Variants in ROBO1 observed in about 807,000 individuals in gnomAD.
The protein encoded by ROBO1 is roundabout homolog 1.
A neutral mutation model predicts 195.9 loss-of-function variants in ROBO1; 149 were observed. That is an observed-to-expected ratio of 0.76 (90% CI 0.67 to 0.87). The LOEUF is 0.87. ROBO1 is among the 40% of genes least tolerant of loss of function. The pLI, the probability that ROBO1 is intolerant of heterozygous loss-of-function variation, is 0.00. For synonymous variants in ROBO1, 816 were observed against 733.2 expected (o/e 1.11, Z -1.82); for missense variants, 1,933 against 2,068.3 (o/e 0.93, Z 1.27).
chr3:78,794,839 C>A (rs1330466055), intron 4 of ROBO1, among the ~76,000 whole-genome samples: 2 of 151,742 alleles, frequency 1.3e-5, no homozygotes, highest in African/African-American at 4.8e-5. Flanking sequence ...GCCTCAGCCT[C>A]CCAAAATGCT....
At chr3:79,269,764 C>CAGAT (rs1165766378) in intron 2 of ROBO1, among the ~76,000 whole-genome samples, 2 of 151,840 alleles carry the variant, frequency 1.3e-5, no homozygotes, top group African/African-American at 4.8e-5. Flanking sequence ...ATATGAGCTG[C>CAGAT]AGATGTGTTT....
chr3:79,401,411 G>A (rs1420108883), intron 2 of ROBO1, among the ~76,000 whole-genome samples: 1 of 151,778 alleles, frequency 6.6e-6, no homozygotes, highest in Non-Finnish European at 1.5e-5. Flanking sequence ...TATTCTGAGG[G>A]TAGACATTAT....
At chr3:78,759,749 C>T (rs2083043333) in intron 4 of ROBO1, among the ~76,000 whole-genome samples, 2 of 152,100 alleles carry the variant, frequency 1.3e-5, no homozygotes, top group Non-Finnish European at 2.9e-5. Context: ...AACTGTGGAA[C>T]ATTTTCTATT....
chr3:78,778,790 G>A (rs2083581621), intron 4 of ROBO1, among the ~76,000 whole-genome samples: 1 of 152,062 alleles, frequency 6.6e-6, no homozygotes, highest in Non-Finnish European at 1.5e-5. Flanking sequence ...TCAAAAAAGA[G>A]CCCACATAGC....
chr3:79,538,489 C>T (rs1242907590), intron 2 of ROBO1, among the ~76,000 whole-genome samples: 1 of 152,006 alleles, frequency 6.6e-6, no homozygotes, highest in South Asian at 2.1e-4. Context: ...ATGAATGCCC[C>T]AAATATTGGG....
At chr3:79,736,719 A>G (rs1304028629) in intron 1 of ROBO1, among the ~76,000 whole-genome samples, 1 of 152,194 alleles carries the variant, frequency 6.6e-6, no homozygotes, top group African/African-American at 2.4e-5. Flanking sequence ...CTTATGATAA[A>G]CTATCAAAAA....
chr3:79,645,926 A>T (rs181404171), intron 1 of ROBO1, among the ~76,000 whole-genome samples: 61 of 152,244 alleles, frequency 4.0e-4, no homozygotes, highest in African/African-American at 1.4e-3. Context: ...TACAAAACTC[A>T]ACTCAAAATG....
chr3:78,894,827 G>T (rs2037134979), intron 4 of ROBO1, among the ~76,000 whole-genome samples: 2 of 152,176 alleles, frequency 1.3e-5, no homozygotes, highest in African/African-American at 2.4e-5. Context: ...CCCACCTCAG[G>T]CAGCCTAAGA....
At chr3:79,569,635 A>G (rs1943205270) in intron 2 of ROBO1, among the ~76,000 whole-genome samples, 1 of 146,622 alleles carries the variant, frequency 6.8e-6, no homozygotes. Flanking sequence ...GAATGATTAT[A>G]TGTATAGATA....
intron 2 of ROBO1, among the ~76,000 whole-genome samples, chr3:79,364,291 CAT>C (rs144806869): frequency 1.3e-5 from 2 of 149,716 alleles, no homozygotes; most frequent in African/African-American, 4.9e-5. Flanking sequence ...TATACACACA[CAT>C]ATATATAAAA....
intron 4 of ROBO1, among the ~76,000 whole-genome samples, chr3:78,860,815 A>G (rs1462417985): frequency 1.3e-5 from 2 of 152,058 alleles, no homozygotes; most frequent in African/African-American, 2.4e-5. Flanking sequence ...TAGAGAGGAA[A>G]CTTTCCCACC....
intron 2 of ROBO1, among the ~76,000 whole-genome samples, chr3:79,232,967 T>C (rs1251927960): frequency 1.3e-5 from 2 of 152,070 alleles, no homozygotes; most frequent in East Asian, 3.9e-4. Flanking sequence ...TTTGATGTTA[T>C]AAGGAATAGC....
intron 4 of ROBO1, among the ~76,000 whole-genome samples, chr3:78,805,451 T>C (rs1184444898): frequency 1.3e-5 from 2 of 152,128 alleles, no homozygotes; most frequent in African/African-American, 2.4e-5. Flanking sequence ...AAACCATATT[T>C]ACAACTACTT....
rs187978609 is a variant in ROBO1, at chr3:79,055,188, A to T, written c.172+70268T>A. Among the ~76,000 whole-genome samples, 7 of 152,202 alleles carry T rather than the reference A, an allele frequency of 4.6e-5. No individual in the cohort carries two copies. In the East Asian group the frequency reaches 1.4e-3, roughly 30 times the overall value. ...CATTAATTCTGATTCCACTGATGAG[A>T]TTAAATTAATCGTGTCTGCCAAGGT... On this transcript the variant is annotated intron_variant, in intron 3 of 30. Transcript: ENST00000464233.
At chr3:79,068,979 T>A (rs923473825) in intron 3 of ROBO1, among the ~76,000 whole-genome samples, 4 of 151,902 alleles carry the variant, frequency 2.6e-5, no homozygotes, top group African/African-American at 9.7e-5. Context: ...ACTTTTCTTT[T>A]AGATTCTTTT....
intron 4 of ROBO1, among the ~76,000 whole-genome samples, chr3:78,854,262 A>G (rs2034261516): frequency 6.8e-6 from 1 of 148,104 alleles, no homozygotes; most frequent in Non-Finnish European, 1.5e-5. Flanking sequence ...TAATATATAT[A>G]TTATATACAT....
At chr3:79,555,815 A>G (rs1942678196) in intron 2 of ROBO1, among the ~76,000 whole-genome samples, 1 of 152,132 alleles carries the variant, frequency 6.6e-6, no homozygotes, top group African/African-American at 2.4e-5. Flanking sequence ...AACTCTCAGC[A>G]AAAGTCATTC....
rs531505488 is a variant in ROBO1, at chr3:78,991,938, C to CA, written c.173-53012dup. Among the ~76,000 whole-genome samples, 1,159 of 149,414 alleles carry CA rather than the reference C, an allele frequency of 7.8e-3. 12 individuals carry two copies. Among genetic ancestry groups the CA allele is most frequent in the Middle Eastern group, 0.028 (8 of 290 alleles). ...AATATTTAGGAAGATATTCTATCTA[C>CA]AAAAAAAAACCAAAATGCTATGAAA... On this transcript the variant is annotated intron_variant, in intron 3 of 30. Transcript: ENST00000464233.
chr3:79,168,468 C>T (rs2108685781), intron 2 of ROBO1, among the ~76,000 whole-genome samples: 1 of 152,198 alleles, frequency 6.6e-6, no homozygotes, highest in South Asian at 2.1e-4. Flanking sequence ...TGGTAAAATG[C>T]ATACCCATTT....
Sources: gnomAD v4.1 joint callset for allele counts (sites outside exome capture counted in the v4.1 genomes callset) on GRCh38, gnomAD v4.1.1 for gene constraint, MANE v1.5 for transcripts, NCBI Gene and HGNC (gene_info 2026-07-23, HGNC 2026-07-21) for gene names.